The following CCDC187 variants were observed in gnomAD, a reference collection of about 807,000 sequenced individuals.
The protein encoded by CCDC187 is coiled-coil domain-containing protein 187.
In CCDC187, 32 loss-of-function variants were observed where a neutral mutation model predicts 38.0. That is an observed-to-expected ratio of 0.84 (90% CI 0.64 to 1.13). CCDC187 has a LOEUF of 1.13. CCDC187 is among the 50% of genes most tolerant of loss of function. CCDC187 has a pLI of 0.00. For missense variants in CCDC187, 707 were observed against 786.8 expected, an observed-to-expected ratio of 0.90 and a Z score of 1.21; for synonymous variants, 333 against 347.9, an observed-to-expected ratio of 0.96 and a Z score of 0.48.
chr9:136,259,690 C>T (rs570858533), intron 20 of CCDC187, among the ~76,000 whole-genome samples: 44 of 152,292 alleles, frequency 2.9e-4, no homozygotes, highest in South Asian at 6.2e-4. Context: ...CTGAGACAAG[C>T]GCAGGGCAGG....
intron 16 of CCDC187, 42 bp downstream of exon 16, chr9:136,267,342 G>A: frequency 1.0e-6 from 1 of 983,566 alleles, no homozygotes; most frequent in Non-Finnish European, 1.2e-6. Flanking sequence ...AGCAGGGCGG[G>A]GCTACGGCGG....
intron 9 of CCDC187, among the ~76,000 whole-genome samples, chr9:136,282,144 A>G (rs1002210695): frequency 6.6e-6 from 1 of 152,360 alleles, no homozygotes; most frequent in African/African-American, 2.4e-5. Context: ...ACTGCCCACC[A>G]GGCCCAGAGC....
intron 2 of CCDC187, 99 bp from the exon 3 acceptor site, chr9:136,300,417 T>C (rs1203522633): frequency 7.7e-6 from 3 of 390,430 alleles, no homozygotes; most frequent in Middle Eastern, 6.5e-4. Context: ...AGAGCATTTA[T>C]TTATTTATTT....
chr9:136,274,405 A>G (rs1370516958), intron 14 of CCDC187, among the ~76,000 whole-genome samples: 3 of 152,360 alleles, frequency 2.0e-5, no homozygotes, highest in Admixed American at 1.3e-4. Flanking sequence ...GGTGTCTGCC[A>G]GCTGTCTAAC....
At chr9:136,277,920 G>A (rs1830964636) in intron 10 of CCDC187, among the ~76,000 whole-genome samples, 1 of 152,208 alleles carries the variant, frequency 6.6e-6, no homozygotes, top group African/African-American at 2.4e-5. Context: ...CCGGAACGGA[G>A]CAGCTCAGCC....
chr9:136,299,623 G>A (rs1183088771), intron 3 of CCDC187, among the ~76,000 whole-genome samples: 12 of 152,158 alleles, frequency 7.9e-5, no homozygotes, highest in Admixed American at 1.3e-4. Context: ...CCCATTGCCC[G>A]GGATGAAGGC....
In CCDC187 at chr9:136,254,421, G is replaced by C. The variant is rs1339103915; in HGVS notation, c.5407C>G (p.Pro1803Ala). The change falls in exon 26 of 26, where the codon CCT (proline) becomes GCT (alanine). Residue 1803 changes from proline to alanine, a missense_variant. Physicochemically the swap from Pro to Ala is conservative, Grantham distance 27. Transcript: ENST00000638797. ...CCCTCCCCGGACCGTGGGGAGGGAG[G>C]AGCCACCTGGGGCTCCACGCCGCTT... is the stretch of plus-strand genomic sequence containing the variant. The part of the protein sequence containing the change: ...LGSGVEPQVA[P>A]PSPRSGEGRE... 11 of 985,208 alleles carry C rather than the reference G, an allele frequency of 1.1e-5. No individual in the cohort carries two copies. The highest frequency in any genetic ancestry group is 1.3e-5 in the Non-Finnish European group (11 of 829,900). 61.0% of individuals were successfully genotyped at this position (985,208 alleles called of 1,614,324 possible). A position where few individuals can be genotyped will look rare whatever the true frequency, so the allele number is the denominator to read the frequency against.
In CCDC187 at chr9:136,254,865, C is replaced by T. The variant is rs1830594162; in HGVS notation, c.4963G>A (p.Glu1655Lys). ...SSSSLPSLEA[E>K]DSPDEGFSWP... ...CTGAAACCTTCGTCTGGGGAGTCTTCAGCTTCCAAGCTGGGAAGAGAGCTG... is the reference window on the plus strand; with the variant it reads ...CTGAAACCTTCGTCTGGGGAGTCTTTAGCTTCCAAGCTGGGAAGAGAGCTG... The change falls in exon 26 of 26, where the codon GAA becomes AAA. Residue 1655 changes from glutamate to lysine, a missense_variant. Transcript: ENST00000638797. 1 of 985,504 alleles carries T rather than the reference C, an allele frequency of 1.0e-6. No homozygotes were observed. Among genetic ancestry groups the T allele is most frequent in the Non-Finnish European group, 1.2e-6 (1 of 829,988 alleles). 61.0% of individuals were successfully genotyped at this position (985,504 alleles called of 1,614,324 possible).
chr9:136,299,467 A>G (rs947387624), intron 3 of CCDC187, among the ~76,000 whole-genome samples: 1 of 152,110 alleles, frequency 6.6e-6, no homozygotes. Flanking sequence ...CAAGCTCCCC[A>G]TCCTTCATTC....
chr9:136,272,142 G>C (rs1262062846), intron 14 of CCDC187, among the ~76,000 whole-genome samples: 3 of 152,238 alleles, frequency 2.0e-5, no homozygotes, highest in Admixed American at 2.0e-4. Flanking sequence ...GACACCAGCA[G>C]ACACGCACCA....
chr9:136,266,130 GC>G, intron 16 of CCDC187, 87 bp from the exon 17 acceptor site: 1 of 784,030 alleles, frequency 1.3e-6, no homozygotes, highest in Non-Finnish European at 1.5e-6. Flanking sequence ...GCCCTGGTCG[GC>G]CACATCAACC....
At chr9:136,282,459 G>A (rs1453489250) in intron 9 of CCDC187, among the ~76,000 whole-genome samples, 4 of 152,172 alleles carry the variant, frequency 2.6e-5, no homozygotes, top group African/African-American at 4.8e-5. Context: ...GTTTGTGGGC[G>A]GAGCATGTGC....
rs982973678 is a variant in CCDC187, at chr9:136,254,121, C to T, written c.5707G>A (p.Gly1903Ser). The T allele has an allele frequency of 1.7e-5, 17 of 985,368 alleles. No individual in the cohort carries two copies. The highest frequency in any genetic ancestry group is 3.5e-5 in the African/African-American group (2 of 57,206). 61.0% of individuals were successfully genotyped at this position (985,368 alleles called of 1,614,324 possible). ...TAGCCAGAAGTCTCTCCTCCTTTGC[C>T]GAAATCTGCCCCTTCACTCAAAGAG... ...WTSLSEGADF[G>S]KGGETSGYQE... The change falls in exon 26 of 26, where the codon GGC (glycine) becomes AGC (serine). Residue 1903 changes from glycine to serine, a missense_variant. By Grantham distance (56) the Gly-to-Ser change is moderately conservative. Transcript: ENST00000638797.
chr9:136,277,656 AG>A (rs1830959247), intron 10 of CCDC187, among the ~76,000 whole-genome samples: 1 of 152,052 alleles, frequency 6.6e-6, no homozygotes. Flanking sequence ...GCAGCAGCGG[AG>A]GGGGCTTCCC....
chr9:136,260,293 C>T (rs535602603), intron 19 of CCDC187, 29 bp from the exon 20 acceptor site: 22 of 984,680 alleles, frequency 2.2e-5, no homozygotes, highest in South Asian at 4.7e-5. Context: ...TGGAGGTGAC[C>T]GCCCGCCCGG....
At chr9:136,281,371 C>A in intron 10 of CCDC187, 180 bp downstream of exon 10, 1 of 398,554 alleles carries the variant, frequency 2.5e-6, no homozygotes, top group Non-Finnish European at 4.4e-6. Flanking sequence ...ACAGAGCACG[C>A]AGAGGGTCCC....
chr9:136,255,917 G>A (rs1353677031), intron 24 of CCDC187, among the ~76,000 whole-genome samples, 184 bp from the exon 25 acceptor site: 1 of 152,162 alleles, frequency 6.6e-6, no homozygotes. Context: ...CTTGTCTTTG[G>A]GGGCATCCAG....
In CCDC187 at chr9:136,293,233, ACGCT is replaced by A. The variant is rs1312310452; in HGVS notation, c.833-942_833-939del. On this transcript the variant is annotated intron_variant, in intron 4 of 25. Transcript: ENST00000638797. ...CACATGCTCACACACTCACACTCAC[ACGCT>A]CACACTCACATGCTTACACACTCAC... Among the ~76,000 whole-genome samples the A allele has an allele frequency of 6.8e-5, 10 of 147,072 alleles. 2 individuals are homozygous for A. The highest frequency in any genetic ancestry group is 6.0e-5 in the Non-Finnish European group (4 of 66,978).
chr9:136,279,162 T>C (rs1830990857), intron 10 of CCDC187, among the ~76,000 whole-genome samples: 1 of 151,836 alleles, frequency 6.6e-6, no homozygotes, highest in Non-Finnish European at 1.5e-5. Flanking sequence ...AGCTCTGGTC[T>C]AGGTGTTTAA....
Sources: allele counts gnomAD v4.1 joint callset (sites outside exome capture counted in the v4.1 genomes callset), GRCh38; gene constraint gnomAD v4.1.1; transcripts MANE v1.5; gene names NCBI Gene and HGNC (gene_info 2026-07-23, HGNC 2026-07-21).